KDM4B: variants seen among roughly 807,000 people sequenced by gnomAD.
KDM4B encodes lysine demethylase 4B.
In KDM4B, 32 loss-of-function variants were observed where a neutral mutation model predicts 125.2. The ratio of observed to expected loss-of-function variants is 0.26; its 90% CI spans 0.19 to 0.34. The LOEUF (loss-of-function observed/expected upper bound fraction) is 0.34, where lower values mean the gene tolerates loss of function less well. KDM4B is among the 10% of genes least tolerant of loss of function. KDM4B has a pLI of 1.00. For missense variants in KDM4B, 1,190 were observed against 1,577.7 expected (o/e 0.75, Z 4.16); for synonymous variants, 721 against 677.9 (o/e 1.06, Z -0.99).
At position 5,090,810 on chromosome 19, in the gene KDM4B, C is replaced by T. The variant is rs535993024; in HGVS notation, c.918+8306C>T. On this transcript the variant is annotated intron_variant, in intron 9 of 22. Transcript: ENST00000159111. ...AGACCTTCCTCTGCTTCCCTTGCCCCACTTGGAGGCACAGGCCGATGGGGC... is the reference window on the plus strand; with the variant it reads ...AGACCTTCCTCTGCTTCCCTTGCCCTACTTGGAGGCACAGGCCGATGGGGC... Among the ~76,000 whole-genome samples the T allele has an allele frequency of 7.3e-5, 11 of 151,316 alleles. No homozygotes were observed. The South Asian group carries it at 2.3e-3, about 32-fold the overall frequency.
At position 5,142,232 on chromosome 19, in the gene KDM4B, C is replaced by T. The variant is rs560255510; in HGVS notation, c.2551-1735C>T. Among the ~76,000 whole-genome samples the T allele has an allele frequency of 3.9e-5, 6 of 152,200 alleles. No homozygotes were observed. Among genetic ancestry groups the T allele is most frequent in the African/African-American group, 1.4e-4 (6 of 41,552 alleles). On this transcript the variant is annotated intron_variant, in intron 18 of 22. Transcript: ENST00000159111. The surrounding 1 kb of genome is among the most constrained non-coding windows in gnomAD (Gnocchi z 5.4). ...GGGCCCTTCCAGGCCCCCCACGGGCCGTAGACCCTGACTCCCCGGCACACA... is the reference window on the plus strand; with the variant it reads ...GGGCCCTTCCAGGCCCCCCACGGGCTGTAGACCCTGACTCCCCGGCACACA...
intron 2 of KDM4B, among the ~76,000 whole-genome samples, chr19:5,024,455 C>T (rs1475812537): frequency 1.3e-5 from 2 of 152,088 alleles, no homozygotes; most frequent in African/African-American, 2.4e-5. Context: ...CTGGAGCGTG[C>T]GGCCCTGCTC....
At chr19:4,985,758 G>A (rs571994548) in intron 1 of KDM4B, among the ~76,000 whole-genome samples, 2 of 152,344 alleles carry the variant, frequency 1.3e-5, no homozygotes, top group African/African-American at 2.4e-5. Flanking sequence ...TGCCCCCAGC[G>A]TTGGGCCAGG....
At chr19:4,975,988 G>A (rs1241833338) in intron 1 of KDM4B, among the ~76,000 whole-genome samples, 2 of 149,942 alleles carry the variant, frequency 1.3e-5, no homozygotes, top group South Asian at 2.2e-4. Flanking sequence ...GGTGGCTCAC[G>A]CCTGTAATCC....
chr19:5,047,529 G>A lies in KDM4B; in HGVS notation c.486G>A (p.Glu162=), dbSNP rs1394313067. 6.2e-7 allele frequency: 1 copy of A among 1,613,758 alleles called. No individual in the cohort carries two copies. The highest frequency in any genetic ancestry group is 1.3e-5 in the African/African-American group (1 of 75,048). The part of the protein sequence containing the change: ...GSLRTILDMV[E]RECGTIIEGV... ...TCCGGACCATCCTGGACATGGTGGA[G>A]CGCGAGTGCGGCACCATCATCGAGG... The change falls in exon 6 of 23, where the codon GAG becomes GAA. Residue 162 remains glutamate, a synonymous_variant. Transcript: ENST00000159111.
chr19:5,026,073 G>A (rs2036268745), intron 2 of KDM4B, among the ~76,000 whole-genome samples: 1 of 151,014 alleles, frequency 6.6e-6, no homozygotes, highest in South Asian at 2.1e-4. Flanking sequence ...AGTAGAGATG[G>A]GAGTTTCACC....
In KDM4B at chr19:5,115,705, G is replaced by A. The variant is rs774888012; in HGVS notation, c.1116-3948G>A. Among the ~76,000 whole-genome samples the A allele has an allele frequency of 1.3e-5, 2 of 152,218 alleles. No homozygotes were observed. The highest frequency in any genetic ancestry group is 2.9e-5 in the Non-Finnish European group (2 of 68,044). ...TGAGTGCAGGGCCCTGGAGTGGGCC[G>A]GGACTTTGCATTATGGAAAAAGAGC... On this transcript the variant is annotated intron_variant, in intron 10 of 22. Transcript: ENST00000159111. This position sits in a 1 kb window ranked among gnomAD's most constrained non-coding sequence, Gnocchi z 4.2.
chr19:5,109,082 C>T (rs113393872), intron 9 of KDM4B, among the ~76,000 whole-genome samples: 2,971 of 152,340 alleles, frequency 0.02, 88 homozygotes, highest in African/African-American at 0.064. Context: ...CACAGCCATG[C>T]GCATGCATGT....
Position 4,981,552 on chromosome 19 carries a change from C to A in KDM4B, c.-109+12322C>A, listed in dbSNP as rs139353647. On this transcript the variant is annotated intron_variant, in intron 1 of 22. Transcript: ENST00000159111. ...TCAGGTTCTAAATGTGCCCCTGGGG[C>A]CCAGCAGCCTCCACCTGGACGTCCC... 3.2e-3 allele frequency among the ~76,000 whole-genome samples: 494 copies of A among 152,270 alleles called. 1 individual carries two copies. The highest frequency in any genetic ancestry group is 5.3e-3 in the Non-Finnish European group (359 of 68,000).
At chr19:5,039,749 G>A (rs1468345096) in intron 3 of KDM4B, 87 bp from the exon 4 acceptor site, 5 of 1,447,284 alleles carry the variant, frequency 3.5e-6, no homozygotes, top group Non-Finnish European at 4.7e-6. Context: ...GGGGGTGCTG[G>A]TCTCTGGGGA....
intron 21 of KDM4B, among the ~76,000 whole-genome samples, chr19:5,147,791 G>A (rs1005789897): frequency 6.6e-6 from 1 of 152,084 alleles, no homozygotes; most frequent in Admixed American, 6.5e-5. Flanking sequence ...TCGGGGCGGG[G>A]GGGCAGAGGC....
chr19:4,977,039 G>GT (rs149220369), intron 1 of KDM4B, among the ~76,000 whole-genome samples: 10,855 of 149,764 alleles, frequency 0.072, 471 homozygotes, highest in African/African-American at 0.1. Flanking sequence ...TTTCTTTTCT[G>GT]TTTTTTTTTT....
intron 7 of KDM4B, 121 bp downstream of exon 7, chr19:5,071,180 G>A (rs1372200065): frequency 1.5e-5 from 13 of 847,134 alleles, no homozygotes; most frequent in Non-Finnish European, 2.4e-5. Flanking sequence ...TTTGGGGAGT[G>A]GTGACATTCT....
intron 6 of KDM4B, among the ~76,000 whole-genome samples, chr19:5,057,003 A>G (rs1201628342): frequency 2.0e-5 from 3 of 151,074 alleles, no homozygotes. Flanking sequence ...AACGGACATA[A>G]AGCATGTAAG....
At chr19:5,109,639 G>A (rs368867685) in intron 9 of KDM4B, among the ~76,000 whole-genome samples, 1 of 152,162 alleles carries the variant, frequency 6.6e-6, no homozygotes, top group Admixed American at 6.5e-5. Flanking sequence ...CACATGGCAC[G>A]TTAATGTCCT....
chr19:5,101,462 G>A (rs1369629828), intron 9 of KDM4B, among the ~76,000 whole-genome samples: 1 of 151,566 alleles, frequency 6.6e-6, no homozygotes, highest in Admixed American at 6.6e-5. Flanking sequence ...CTTCGGGGTC[G>A]GCAGTGAGCT....
At chr19:4,989,515 A>G (rs551927056) in intron 1 of KDM4B, among the ~76,000 whole-genome samples, 2 of 148,082 alleles carry the variant, frequency 1.4e-5, no homozygotes, top group Non-Finnish European at 3.0e-5. Context: ...ATTTTTTTGT[A>G]TTATTAGTAG....
intron 1 of KDM4B, among the ~76,000 whole-genome samples, chr19:4,969,718 G>A (rs1045383672): frequency 6.6e-6 from 1 of 151,902 alleles, no homozygotes. Flanking sequence ...GGGCGCCAGG[G>A]GGGCTAAGGG....
chr19:5,135,424 C>G lies in KDM4B; in HGVS notation c.2171C>G (p.Thr724Ser), dbSNP rs2039631535. Residue 724 changes from threonine to serine, a missense_variant, in exon 15 of 23, where the codon ACC becomes AGC. Physicochemically the swap from Thr to Ser is moderately conservative, Grantham distance 58. Around this residue, in one of 7 missense-constraint regions of KDM4B, gnomAD observed 128 missense variants for 137.8 expected, o/e 0.93. Coordinates refer to ENST00000159111, the MANE Select transcript of KDM4B (RefSeq NM_015015.3). The stretch of plus-strand genomic sequence containing the variant: ...TTACCCTCCAAAAGCCGTCAGAAGA[C>G]CCGACCGCTCATCCCTGAGATGTGC... ...ATLPSKSRQK[T>S]RPLIPEMCFT... The G allele has an allele frequency of 6.2e-7, 1 of 1,613,526 alleles. No homozygotes were observed. The highest frequency in any genetic ancestry group is 1.3e-5 in the African/African-American group (1 of 74,942).
Sources: allele counts gnomAD v4.1 joint callset (sites outside exome capture counted in the v4.1 genomes callset), GRCh38; gene constraint gnomAD v4.1.1; regional missense constraint gnomAD v4.1.1; non-coding constraint Gnocchi (gnomAD v3.1); transcripts MANE v1.5; gene names NCBI Gene and HGNC (gene_info 2026-07-23, HGNC 2026-07-21).